CHN2: variants seen among roughly 807,000 people sequenced by gnomAD.
The protein encoded by CHN2 is chimerin 2.
In CHN2, 35 loss-of-function variants were observed where a neutral mutation model predicts 56.3. The ratio of observed to expected loss-of-function variants is 0.62; its 90% CI spans 0.47 to 0.82. CHN2 has a LOEUF of 0.82. Among genes scored for constraint, CHN2 ranks in the 40% least tolerant of loss-of-function variants. The pLI is 0.00. For missense variants in CHN2, 491 were observed against 580.5 expected (o/e 0.85, Z 1.58); for synonymous variants, 210 against 212.8 (o/e 0.99, Z 0.12).
intron 1 of CHN2, chr7:29,199,889 C>G (rs1271534389): frequency 6.6e-6 from 1 of 152,206 alleles, no homozygotes; most frequent in Non-Finnish European, 1.5e-5. Flanking sequence ...ATGTGAACAC[C>G]AGGTATTTTC....
chr7:29,400,427 C>A, intron 5 of CHN2, 116 bp from the exon 6 acceptor site: 1 of 1,011,948 alleles, frequency 9.9e-7, no homozygotes, highest in South Asian at 1.6e-5. Context: ...ACATCAAGTG[C>A]TTAGCCCTGT....
At chr7:29,302,903 A>G (rs1433439513) in intron 1 of CHN2, among the ~76,000 whole-genome samples, 2 of 152,324 alleles carry the variant, frequency 1.3e-5, no homozygotes, top group African/African-American at 4.8e-5. Flanking sequence ...AGAGTTTAGC[A>G]TGTTGTAGCA....
chr7:29,302,884 T>C (rs1458734248), intron 1 of CHN2, among the ~76,000 whole-genome samples: 2 of 152,246 alleles, frequency 1.3e-5, no homozygotes, highest in Non-Finnish European at 2.9e-5. Flanking sequence ...TCATTTGGCA[T>C]ATGTCTTCAG....
intron 3 of CHN2, among the ~76,000 whole-genome samples, chr7:29,377,438 A>C (rs769394315): frequency 6.6e-6 from 1 of 152,204 alleles, no homozygotes; most frequent in African/African-American, 2.4e-5. Context: ...GCTATGCATG[A>C]ATCCTTGCTA....
intron 1 of CHN2, among the ~76,000 whole-genome samples, chr7:29,280,143 GGAGGCT>G (rs1198325708): frequency 2.0e-5 from 3 of 152,192 alleles, no homozygotes; most frequent in Admixed American, 6.5e-5. Context: ...CAGCACTTTG[GGAGGCT>G]GAGGCGGGTG....
chr7:29,416,784 GTATGTA>G (rs10604042), intron 6 of CHN2, among the ~76,000 whole-genome samples: 33,760 of 149,724 alleles, frequency 0.23, 3,904 homozygotes, highest in African/African-American at 0.3. Flanking sequence ...GTGTATATGT[GTATGTA>G]TATGTATATG....
chr7:29,259,092 C>T (rs1789324157), intron 1 of CHN2, among the ~76,000 whole-genome samples: 3 of 151,046 alleles, frequency 2.0e-5, no homozygotes, highest in South Asian at 4.2e-4. Context: ...CTTTGGGAGG[C>T]GGAGGCATGC....
chr7:29,512,569 C>G lies in CHN2; in HGVS notation c.1241C>G (p.Thr414Ser). 3.1e-6 allele frequency: 5 copies of G among 1,611,890 alleles called. No individual in the cohort carries two copies. Among genetic ancestry groups the G allele is most frequent in the Non-Finnish European group, 4.2e-6 (5 of 1,179,210 alleles). The change falls in exon 13 of 13, where the codon ACT (threonine) becomes AGT (serine). Residue 414 changes from threonine to serine, a missense_variant. Physicochemically the swap from Thr to Ser is moderately conservative, Grantham distance 58 (BLOSUM62 1). Transcript: ENST00000222792. ...TCTATATGTTTGTTTTGCAGGGTTA[C>G]TATGAATGAAAAAGACAATTTCATG... The part of the protein sequence containing the change: ...RYLMIHLKKV[T>S]MNEKDNFMNA...
intron 6 of CHN2, among the ~76,000 whole-genome samples, chr7:29,409,315 A>C (rs1206224649): frequency 6.6e-6 from 1 of 152,220 alleles, no homozygotes; most frequent in Non-Finnish European, 1.5e-5. Flanking sequence ...TATTTATGGT[A>C]TTAGAAAGTA....
intron 6 of CHN2, among the ~76,000 whole-genome samples, chr7:29,462,395 G>A (rs1785232823): frequency 1.3e-5 from 2 of 152,206 alleles, no homozygotes; most frequent in South Asian, 4.1e-4. Flanking sequence ...AATTAGAACA[G>A]AGTACAGCAG....
chr7:29,361,589 C>T (rs1176146201), intron 2 of CHN2, among the ~76,000 whole-genome samples: 3 of 152,180 alleles, frequency 2.0e-5, no homozygotes, highest in Non-Finnish European at 2.9e-5. Flanking sequence ...CCTTCCCCTT[C>T]CCTCCTCCAA....
At chr7:29,488,002 A>T (rs910482123) in intron 7 of CHN2, among the ~76,000 whole-genome samples, 1 of 152,220 alleles carries the variant, frequency 6.6e-6, no homozygotes, top group Non-Finnish European at 1.5e-5. Context: ...ATCTTACTTT[A>T]TGCAGTGGGG....
intron 6 of CHN2, among the ~76,000 whole-genome samples, chr7:29,479,070 T>C (rs933387281): frequency 2.6e-5 from 4 of 152,180 alleles, no homozygotes; most frequent in African/African-American, 9.7e-5. Context: ...GCATTAATTT[T>C]ACTGTCTGGC....
intron 3 of CHN2, among the ~76,000 whole-genome samples, chr7:29,374,845 C>A (rs1015684779): frequency 1.3e-5 from 2 of 149,276 alleles, no homozygotes; most frequent in African/African-American, 5.0e-5. Flanking sequence ...TCCTTCCTTC[C>A]TTCCTGCCTC....
intron 10 of CHN2, among the ~76,000 whole-genome samples, chr7:29,506,678 T>C (rs1034991234): frequency 6.6e-6 from 1 of 151,888 alleles, no homozygotes; most frequent in African/African-American, 2.4e-5. Context: ...ACATCACATA[T>C]CCAAGAGGAA....
chr7:29,207,172 A>G (rs573138391), intron 1 of CHN2, among the ~76,000 whole-genome samples: 31 of 152,318 alleles, frequency 2.0e-4, no homozygotes, highest in Middle Eastern at 6.8e-3. Context: ...TAAGAAAGAG[A>G]AGGTGAATCA....
chr7:29,393,591 G>A, intron 3 of CHN2, 88 bp from the exon 4 acceptor site: 1 of 583,062 alleles, frequency 1.7e-6, no homozygotes, highest in East Asian at 6.9e-5. Context: ...TTACTACCAG[G>A]ACCCTAGTTC....
chr7:29,356,256 G>A (rs1562542756), intron 2 of CHN2, among the ~76,000 whole-genome samples: 2 of 152,000 alleles, frequency 1.3e-5, no homozygotes, highest in Admixed American at 6.5e-5. Context: ...ATACCTATGT[G>A]CATGTATACA....
chr7:29,206,612 C>T (rs1459395845), intron 1 of CHN2, among the ~76,000 whole-genome samples: 1 of 152,074 alleles, frequency 6.6e-6, no homozygotes, highest in East Asian at 1.9e-4. Flanking sequence ...TTTGCATGTA[C>T]TTGCAACAGG....
Sources: allele counts gnomAD v4.1 joint callset (sites outside exome capture counted in the v4.1 genomes callset), GRCh38; gene constraint gnomAD v4.1.1; transcripts MANE v1.5; gene names NCBI Gene and HGNC (gene_info 2026-07-23, HGNC 2026-07-21).